Variants in ATRNL1 observed in about 807,000 individuals in gnomAD.
ATRNL1 encodes attractin like 1.
Under a neutral mutation model 182.7 loss-of-function variants are expected in ATRNL1, and 95 were observed. The observed-to-expected ratio is 0.52, with a 90% CI of 0.44 to 0.62. The LOEUF is 0.62. ATRNL1 is among the 20% of genes least tolerant of loss of function. The probability of loss-of-function intolerance (pLI) is 0.00; values close to 1 mark genes in which losing one functional copy is unlikely to be tolerated. For missense variants in ATRNL1, 1,471 were observed against 1,679.5 expected, an observed-to-expected ratio of 0.88 and a Z score of 2.17; for synonymous variants, 576 against 568.3, an observed-to-expected ratio of 1.01 and a Z score of -0.19.
At chr10:115,699,964 T>C (rs1438664903) in intron 26 of ATRNL1, among the ~76,000 whole-genome samples, 1 of 152,178 alleles carries the variant, frequency 6.6e-6, no homozygotes, top group African/African-American at 2.4e-5. Flanking sequence ...CCTATGTTAA[T>C]TTGCTTAGGA....
chr10:115,354,275 T>C (rs781866995), intron 19 of ATRNL1, among the ~76,000 whole-genome samples: 1 of 152,208 alleles, frequency 6.6e-6, no homozygotes, highest in Non-Finnish European at 1.5e-5. Context: ...CTGAATTTCA[T>C]GCTTTCAGAT....
At chr10:115,779,064 C>T (rs1555078620) in intron 27 of ATRNL1, among the ~76,000 whole-genome samples, 2 of 152,100 alleles carry the variant, frequency 1.3e-5, no homozygotes, top group Non-Finnish European at 2.9e-5. Context: ...AAACAGTATT[C>T]CTTTTGCTGC....
At chr10:115,270,605 G>A (rs1851819458) in intron 13 of ATRNL1, among the ~76,000 whole-genome samples, 1 of 151,818 alleles carries the variant, frequency 6.6e-6, no homozygotes, top group Non-Finnish European at 1.5e-5. Flanking sequence ...AGAACCAGGA[G>A]TGCAGATGGT....
intron 27 of ATRNL1, among the ~76,000 whole-genome samples, chr10:115,770,306 A>C (rs2134164681): frequency 6.6e-6 from 1 of 152,264 alleles, no homozygotes. Flanking sequence ...TACTGGTAAT[A>C]AAAATGGCAT....
chr10:115,404,537 C>G (rs782629428), intron 20 of ATRNL1, among the ~76,000 whole-genome samples: 1 of 152,222 alleles, frequency 6.6e-6, no homozygotes, highest in Admixed American at 6.5e-5. Context: ...CCATTCCACA[C>G]TGGACAGTGT....
rs545409490 is a variant in ATRNL1, at chr10:115,369,324, G to C, written c.3176-25335G>C. Among the ~76,000 whole-genome samples, 1,054 of 150,236 alleles carry C rather than the reference G, an allele frequency of 7.0e-3. 13 individuals carry two copies. The highest frequency in any genetic ancestry group is 0.024 in the African/African-American group (991 of 40,660). On this transcript the variant is annotated intron_variant, in intron 19 of 28. Transcript: ENST00000355044. ...TCTGTGAGGGGGAAGGGGGTTCCAT[G>C]AGGGGATGGGGGTTCTGTGAAGGGG...
At chr10:115,776,904 C>G (rs1441448957) in intron 27 of ATRNL1, among the ~76,000 whole-genome samples, 1 of 152,130 alleles carries the variant, frequency 6.6e-6, no homozygotes, top group Non-Finnish European at 1.5e-5. Context: ...CACCTGTAAT[C>G]CCAGCACTTT....
intron 5 of ATRNL1, among the ~76,000 whole-genome samples, chr10:115,134,226 C>CA (rs1200225324): frequency 4.6e-5 from 7 of 151,906 alleles, no homozygotes; most frequent in Non-Finnish European, 1.0e-4. Context: ...CAAAACCCTT[C>CA]AAAAAATCAG....
chr10:115,095,914 G>T (rs557804958), intron 1 of ATRNL1, among the ~76,000 whole-genome samples: 1 of 152,284 alleles, frequency 6.6e-6, no homozygotes, highest in South Asian at 2.1e-4. Context: ...TTTGTCTAAA[G>T]AGGACAAAAT....
intron 18 of ATRNL1, among the ~76,000 whole-genome samples, chr10:115,319,874 G>C (rs1376393763): frequency 1.3e-5 from 2 of 151,652 alleles, no homozygotes; most frequent in African/African-American, 2.4e-5. Context: ...TTTAATTGGG[G>C]GATTTAGCCC....
chr10:115,487,655 T>C (rs1849089118), intron 24 of ATRNL1, among the ~76,000 whole-genome samples: 1 of 152,196 alleles, frequency 6.6e-6, no homozygotes, highest in Non-Finnish European at 1.5e-5. Context: ...TTTCTAAATA[T>C]ACAATCATGT....
chr10:115,744,707 G>A (rs138677424), intron 27 of ATRNL1, among the ~76,000 whole-genome samples: 2 of 149,356 alleles, frequency 1.3e-5, no homozygotes, highest in Admixed American at 6.6e-5. Context: ...TTTAATGTGA[G>A]TGTATGAATA....
chr10:115,490,379 G>T (rs1849240414), intron 24 of ATRNL1, among the ~76,000 whole-genome samples: 1 of 151,850 alleles, frequency 6.6e-6, no homozygotes, highest in Non-Finnish European at 1.5e-5. Context: ...ATGTAGATTT[G>T]GTCTTTTCTC....
chr10:115,727,225 A>C (rs1177562466), intron 26 of ATRNL1, 23 bp from the exon 27 acceptor site: 2 of 1,543,462 alleles, frequency 1.3e-6, no homozygotes, highest in African/African-American at 2.7e-5. Flanking sequence ...ATTTTAAGAT[A>C]AATCATTTTT....
intron 28 of ATRNL1, among the ~76,000 whole-genome samples, chr10:115,865,951 T>C (rs1251667195): frequency 6.6e-6 from 1 of 152,206 alleles, no homozygotes; most frequent in Non-Finnish European, 1.5e-5. Context: ...TTTTTAGAAA[T>C]AGTGACTTTT....
At chr10:115,208,540 T>C (rs1162468664) in intron 8 of ATRNL1, among the ~76,000 whole-genome samples, 1 of 152,054 alleles carries the variant, frequency 6.6e-6, no homozygotes, top group Non-Finnish European at 1.5e-5. Flanking sequence ...TTAGAGTGGA[T>C]CCAGAGCAAC....
At chr10:115,508,412 C>A (rs1850222198) in intron 24 of ATRNL1, among the ~76,000 whole-genome samples, 1 of 152,010 alleles carries the variant, frequency 6.6e-6, no homozygotes, top group Non-Finnish European at 1.5e-5. Context: ...CACTTTAAAT[C>A]AAATGCTACA....
At chr10:115,760,053 T>G (rs2134141952) in intron 27 of ATRNL1, among the ~76,000 whole-genome samples, 1 of 151,768 alleles carries the variant, frequency 6.6e-6, no homozygotes, top group Admixed American at 6.6e-5. Flanking sequence ...TTTACAGAAA[T>G]AAAAATGTGA....
chr10:115,734,703 T>C (rs574529818), intron 27 of ATRNL1, among the ~76,000 whole-genome samples: 1 of 152,240 alleles, frequency 6.6e-6, no homozygotes, highest in East Asian at 1.9e-4. Flanking sequence ...TGATTTTAAA[T>C]GCTATATTTT....
Sources: allele counts gnomAD v4.1 joint callset (sites outside exome capture counted in the v4.1 genomes callset), GRCh38; gene constraint gnomAD v4.1.1; transcripts MANE v1.5; gene names NCBI Gene and HGNC (gene_info 2026-07-23, HGNC 2026-07-21).